GRIN3B: variants seen among roughly 807,000 people sequenced by gnomAD.
GRIN3B encodes glutamate receptor ionotropic, NMDA 3B.
Under a neutral mutation model 66.0 loss-of-function variants are expected in GRIN3B, and 77 were observed. The ratio of observed to expected loss-of-function variants is 1.17; its 90% CI spans 0.97 to 1.41. The LOEUF is 1.41. GRIN3B is among the 40% of genes most tolerant of loss of function. GRIN3B has a pLI of 0.00. For missense variants in GRIN3B, 1,787 were observed against 1,564.5 expected, an observed-to-expected ratio of 1.14 and a Z score of -2.40; for synonymous variants, 823 against 749.7, an observed-to-expected ratio of 1.10 and a Z score of -1.60.
rs1262999591 is a variant in GRIN3B at position 1,009,176 on chromosome 19, C to G, written c.2706C>G (p.Gly902=). 6.8e-7 allele frequency: 1 copy of G among 1,470,768 alleles called. No homozygotes were observed. Among genetic ancestry groups the G allele is most frequent in the Non-Finnish European group, 8.9e-7 (1 of 1,122,364 alleles). 91.1% of individuals were successfully genotyped at this position (1,470,768 alleles called of 1,614,324 possible). The stretch of plus-strand genomic sequence containing the variant: ...ACCAGGCCGGTTCCGTCCCCAGCGG[C>G]CCCGAGGTGGAGCAGCAGCAGCAGC... ...KEETAEAEPS[G]PEVEQQQQQQ... The change falls in exon 9 of 9, where the codon GGC becomes GGG. Residue 902 remains glycine, a synonymous_variant. Coordinates refer to ENST00000234389, the MANE Select transcript of GRIN3B (RefSeq NM_138690.3).
intron 8 of GRIN3B, 54 bp from the exon 9 acceptor site, chr19:1,009,119 A>C: frequency 6.3e-6 from 9 of 1,435,688 alleles, no homozygotes; most frequent in Non-Finnish European, 7.3e-6. Flanking sequence ...GCAGAGGCCC[A>C]GGGCGCGAGA....
chr19:1,006,202 G>A (rs554550706), intron 3 of GRIN3B, among the ~76,000 whole-genome samples: 2 of 152,010 alleles, frequency 1.3e-5, no homozygotes, highest in South Asian at 2.1e-4. Flanking sequence ...AGGCTGGAGC[G>A]CAGTGGCACG....
In GRIN3B at chr19:1,003,739, C is replaced by T. The variant is rs1258680949; in HGVS notation, c.1019+17C>T. 2 of 1,393,664 alleles carry T rather than the reference C, an allele frequency of 1.4e-6. No homozygotes were observed. Among genetic ancestry groups the T allele is most frequent in the East Asian group, 5.8e-5 (2 of 34,366 alleles). The allele number at this position is 1,393,664 out of a possible 1,614,324, so 86.3% of individuals were successfully genotyped here. A position where few individuals can be genotyped will look rare whatever the true frequency, so the allele number is the denominator to read the frequency against. On this transcript the variant is annotated intron_variant, in intron 2 of 8. Transcript: ENST00000234389. ...CTTGGCACGGTGAGTGGGGACCCTG[C>T]TTCCCTTAGGAGGGTGTCCAGGCCA...
chr19:1,004,890 G>A lies in GRIN3B; in HGVS notation c.1389G>A (p.Leu463=), dbSNP rs2038726880. Residue 463 remains leucine, a synonymous_variant, in exon 3 of 9, where the codon CTG becomes CTA. Coordinates refer to ENST00000234389, the MANE Select transcript of GRIN3B (RefSeq NM_138690.3). The part of the protein sequence containing the change: ...SATLDALFAA[L]ANGSAPRALR... ...CCCTGGACGCACTGTTCGCCGCGCT[G>A]GCCAACGGCTCAGCGCCCCGTGCCC... 3.7e-6 allele frequency: 6 copies of A among 1,601,016 alleles called. No individual in the cohort carries two copies. The highest frequency in any genetic ancestry group is 1.3e-5 in the African/African-American group (1 of 74,280).
intron 1 of GRIN3B, 47 bp downstream of exon 1, chr19:1,000,910 G>A: frequency 7.4e-7 from 1 of 1,342,550 alleles, no homozygotes. Context: ...CGGGGCGGGA[G>A]CGGGGTCGGG....
intron 3 of GRIN3B, among the ~76,000 whole-genome samples, chr19:1,006,004 A>G (rs1481198560): frequency 6.6e-6 from 1 of 152,130 alleles, no homozygotes; most frequent in Non-Finnish European, 1.5e-5. Flanking sequence ...ACTCCGTCTC[A>G]AAAAACAAAA....
rs71335327 is a variant in GRIN3B at position 1,002,363 on chromosome 19, CAAAAA to C, written c.427-749_427-745del. 1.6e-3 allele frequency among the ~76,000 whole-genome samples: 121 copies of C among 74,692 alleles called. 1 individual carries two copies. Among genetic ancestry groups the C allele is most frequent in the Admixed American group, 5.3e-3 (32 of 6,062 alleles). 49.0% of individuals were successfully genotyped at this position (74,692 alleles called of 152,430 possible). A position where few individuals can be genotyped will look rare whatever the true frequency, so the allele number is the denominator to read the frequency against. On this transcript the variant is annotated intron_variant, in intron 1 of 8. Coordinates refer to ENST00000234389, the MANE Select transcript of GRIN3B (RefSeq NM_138690.3). Reference sequence around the variant, plus strand: ...TGAAACCCCGTCTTTACTAAAAATACAAAAAAAAAAAAAAAAAAAAAAGCTGGGAG... The same window carrying C: ...TGAAACCCCGTCTTTACTAAAAATACAAAAAAAAAAAAAAAAAGCTGGGAG...
Position 1,007,606 on chromosome 19 carries a change from G to T in GRIN3B, c.2053-22G>T. 6.8e-7 allele frequency: 1 copy of T among 1,475,152 alleles called. No individual in the cohort carries two copies. Among genetic ancestry groups the T allele is most frequent in the Non-Finnish European group, 9.0e-7 (1 of 1,115,632 alleles). 91.4% of individuals were successfully genotyped at this position (1,475,152 alleles called of 1,614,324 possible). ...GGGGTCCTGAGGGGCAGGCAGAGGC[G>T]CTGACGGGGTCCCCCGCGCAGCTGC... On this transcript the variant is annotated intron_variant, in intron 3 of 8. Transcript: ENST00000234389. The surrounding 1 kb of genome is among the most constrained non-coding windows in gnomAD (Gnocchi z 4.4).
chr19:1,006,808 A>T (rs2038753617), intron 3 of GRIN3B, among the ~76,000 whole-genome samples: 1 of 152,230 alleles, frequency 6.6e-6, no homozygotes, highest in Non-Finnish European at 1.5e-5. Flanking sequence ...AACGCTGCAC[A>T]GCTGAGCCGT....
At position 1,007,485 on chromosome 19, in the gene GRIN3B, G is replaced by A. The variant is rs943530927; in HGVS notation, c.2053-143G>A. 6.3e-6 allele frequency: 6 copies of A among 952,268 alleles called. No individual in the cohort carries two copies. Among genetic ancestry groups the A allele is most frequent in the Non-Finnish European group, 4.3e-6 (3 of 700,918 alleles). The allele number at this position is 952,268 out of a possible 1,614,324, so 59.0% of individuals were successfully genotyped here. A position where few individuals can be genotyped will look rare whatever the true frequency, so the allele number is the denominator to read the frequency against. On this transcript the variant is annotated intron_variant, in intron 3 of 8. Coordinates refer to ENST00000234389, the MANE Select transcript of GRIN3B (RefSeq NM_138690.3). This position sits in a 1 kb window ranked among gnomAD's most constrained non-coding sequence, Gnocchi z 4.4. ...GGTGGTCACGCCTGGGGTGTGCTCT[G>A]GGCATGGAGTGGGTGGAGGCCAGGA...
rs1387100871 is a variant in GRIN3B, at chr19:1,009,413, G to A, written c.2943G>A (p.Gly981=). 6.3e-6 allele frequency: 9 copies of A among 1,437,294 alleles called. No homozygotes were observed. The highest frequency in any genetic ancestry group is 5.7e-5 in the Admixed American group (2 of 35,370). 89.0% of individuals were successfully genotyped at this position (1,437,294 alleles called of 1,614,324 possible). The change falls in exon 9 of 9, where the codon GGG becomes GGA. Residue 981 remains glycine, a synonymous_variant. Coordinates refer to ENST00000234389, the MANE Select transcript of GRIN3B (RefSeq NM_138690.3). ...AARPTGAPQP[G]ELQELERRIE... ...GGCCCACGGGGGCCCCCCAGCCCGG[G>A]GAGCTGCAGGAGCTGGAGCGCCGCA... is the stretch of plus-strand genomic sequence containing the variant.
rs1284184060 is a variant in GRIN3B, at chr19:1,005,531, T to C, written c.2030T>C (p.Leu677Pro). The C allele has an allele frequency of 1.2e-6, 2 of 1,607,322 alleles. No individual in the cohort carries two copies. The highest frequency in any genetic ancestry group is 1.1e-5 in the South Asian group (1 of 90,580). ...GTCGGGGACAAGACCTTCGAGGAGC[T>C]GTCGGGGATCCACGACCCCAAGGTG... ...VMVGDKTFEE[L>P]SGIHDPKLHH... is the part of the protein sequence containing the mutation. Residue 677 changes from leucine to proline, a missense_variant, in exon 3 of 9, where the codon CTG becomes CCG. Physicochemically the swap from Leu to Pro is moderately conservative, Grantham distance 98 (BLOSUM62 -3). Coordinates refer to ENST00000234389, the MANE Select transcript of GRIN3B (RefSeq NM_138690.3). This position sits in a 1 kb window ranked among gnomAD's most constrained non-coding sequence, Gnocchi z 5.2.
chr19:1,009,597 G>A lies in GRIN3B; in HGVS notation c.3127G>A (p.Glu1043Lys). 7.0e-7 allele frequency: 1 copy of A among 1,432,670 alleles called. No individual in the cohort carries two copies. Among genetic ancestry groups the A allele is most frequent in the Non-Finnish European group, 9.1e-7 (1 of 1,098,558 alleles). 88.7% of individuals were successfully genotyped at this position (1,432,670 alleles called of 1,614,324 possible). The change falls in exon 9 of 9, where the codon GAA becomes AAA. Residue 1043 changes from glutamate (E) to lysine (K), a missense_variant. Physicochemically the swap from Glu to Lys is moderately conservative, Grantham distance 56. Transcript: ENST00000234389. ...ACACTCTGGCCGACCGGGGAGCCAG[G>A]AATGAGGCGGCAGCCGGGCCGTTTG... is the stretch of plus-strand genomic sequence containing the variant. ...PPHSGRPGSQ[E>K] is the part of the protein sequence containing the mutation.
chr19:1,003,717 G>C lies in GRIN3B; in HGVS notation c.1014G>C (p.Leu338Phe). 1 of 1,401,430 alleles carries C rather than the reference G, an allele frequency of 7.1e-7. No individual in the cohort carries two copies. Among genetic ancestry groups the C allele is most frequent in the East Asian group, 2.9e-5 (1 of 34,586 alleles). The allele number at this position is 1,401,430 out of a possible 1,614,324, so 86.8% of individuals were successfully genotyped here. A position where few individuals can be genotyped will look rare whatever the true frequency, so the allele number is the denominator to read the frequency against. Residue 338 changes from leucine to phenylalanine, a missense_variant, in exon 2 of 9, where the codon TTG becomes TTC. Coordinates refer to ENST00000234389, the MANE Select transcript of GRIN3B (RefSeq NM_138690.3). ...PAGPESPGRFLARFLANTSFQ... is the reference protein window; with the variant it reads ...PAGPESPGRFFARFLANTSFQ... ...GGCCCGAGTCCCCGGGGCGCTTCTT[G>C]GCACGGTGAGTGGGGACCCTGCTTC...
At chr19:1,006,887 T>G (rs2038754850) in intron 3 of GRIN3B, among the ~76,000 whole-genome samples, 1 of 152,026 alleles carries the variant, frequency 6.6e-6, no homozygotes, top group South Asian at 2.1e-4. Context: ...GGGATTCAAG[T>G]TTGGGTTTTT....
rs527469125 is a variant in GRIN3B at position 1,005,214 on chromosome 19, G to A, written c.1713G>A (p.Trp571Ter). 1.3e-5 allele frequency: 21 copies of A among 1,613,576 alleles called. No individual in the cohort carries two copies. Among genetic ancestry groups the A allele is most frequent in the African/African-American group, 1.2e-4 (9 of 75,060 alleles). ...CCTCACCCATCGGTGCCTTTATGTG[G>A]CCCCTGCACTGGTCCACGTGGCTGG... ...DTASPIGAFM[W>*]PLHWSTWLGV... The change falls in exon 3 of 9, where the codon TGG (tryptophan) becomes TGA (stop). Residue 571 changes from tryptophan (W) to a stop codon, truncating the protein, a stop_gained. Transcript: ENST00000234389. LOFTEE classifies it high-confidence loss of function. This position sits in a 1 kb window ranked among gnomAD's most constrained non-coding sequence, Gnocchi z 5.2.
Position 1,005,598 on chromosome 19 carries a change from G to A in GRIN3B, c.2052+45G>A, listed in dbSNP as rs1246467293. 2.7e-6 allele frequency: 4 copies of A among 1,473,044 alleles called. No homozygotes were observed. In the African/African-American group the frequency reaches 4.2e-5, roughly 15 times the overall value. 91.2% of individuals were successfully genotyped at this position (1,473,044 alleles called of 1,614,324 possible). On this transcript the variant is annotated intron_variant, in intron 3 of 8. Coordinates refer to ENST00000234389, the MANE Select transcript of GRIN3B (RefSeq NM_138690.3). The surrounding 1 kb of genome is among the most constrained non-coding windows in gnomAD (Gnocchi z 5.2). ...TGCGGGTGGCCTTGGGGGGCTAGCGGTGGCCCCGGGCTGGGCTGTGTGGGG... is the reference window on the plus strand; with the variant it reads ...TGCGGGTGGCCTTGGGGGGCTAGCGATGGCCCCGGGCTGGGCTGTGTGGGG...
rs1190517002 is a variant in GRIN3B, at chr19:1,004,846, G to A, written c.1345G>A (p.Gly449Ser). The change falls in exon 3 of 9, where the codon GGC becomes AGC. Residue 449 changes from glycine (G) to serine (S), a missense_variant. Physicochemically the swap from Gly to Ser is moderately conservative, Grantham distance 56. Coordinates refer to ENST00000234389, the MANE Select transcript of GRIN3B (RefSeq NM_138690.3). ...AGCGGGGCAGCTGTGCCTGGACCCT[G>A]GCACCAACGACTCGGCCACCCTGGA... ...CPAGQLCLDPGTNDSATLDAL... is the reference protein window; with the variant it reads ...CPAGQLCLDPSTNDSATLDAL... The A allele has an allele frequency of 3.7e-6, 6 of 1,611,734 alleles. No homozygotes were observed. Among genetic ancestry groups the A allele is most frequent in the East Asian group, 2.2e-5 (1 of 44,856 alleles).
chr19:1,004,973 C>T lies in GRIN3B; in HGVS notation c.1472C>T (p.Thr491Met), dbSNP rs746593296. 5.0e-5 allele frequency: 81 copies of T among 1,611,144 alleles called. No homozygotes were observed. The highest frequency in any genetic ancestry group is 6.4e-5 in the Non-Finnish European group (76 of 1,179,578). Residue 491 changes from threonine to methionine, a missense_variant, in exon 3 of 9, where the codon ACG (threonine) becomes ATG (methionine). Transcript: ENST00000234389. Reference protein sequence around the residue: ...IDLLERLAEDTPFDFELYLVG... With the variant: ...IDLLERLAEDMPFDFELYLVG... ...CTGCTGGAGCGGCTGGCGGAGGACACGCCCTTCGACTTCGAGCTGTACCTC... is the reference window on the plus strand; with the variant it reads ...CTGCTGGAGCGGCTGGCGGAGGACATGCCCTTCGACTTCGAGCTGTACCTC...
Sources: allele counts gnomAD v4.1 joint callset (sites outside exome capture counted in the v4.1 genomes callset), GRCh38; gene constraint gnomAD v4.1.1; non-coding constraint Gnocchi (gnomAD v3.1); transcripts MANE v1.5; gene names NCBI Gene and HGNC (gene_info 2026-07-23, HGNC 2026-07-21).